ABCB11: variants seen among roughly 807,000 people sequenced by gnomAD.
ABCB11 encodes ATP binding cassette subfamily B member 11.
Under a neutral mutation model 148.0 loss-of-function variants are expected in ABCB11, and 95 were observed. That is an observed-to-expected ratio of 0.64 (90% CI 0.54 to 0.76). The LOEUF (loss-of-function observed/expected upper bound fraction) is 0.76, where lower values mean the gene tolerates loss of function less well. Among genes scored for constraint, ABCB11 ranks in the 30% least tolerant of loss-of-function variants. ABCB11 has a pLI of 0.00. For synonymous variants in ABCB11, 591 were observed against 555.4 expected, an observed-to-expected ratio of 1.06 and a Z score of -0.90; for missense variants, 1,523 against 1,617.8, an observed-to-expected ratio of 0.94 and a Z score of 1.01.
intron 5 of ABCB11, among the ~76,000 whole-genome samples, chr2:168,997,037 A>T (rs1694739765): frequency 6.6e-6 from 1 of 151,950 alleles, no homozygotes; most frequent in Admixed American, 6.6e-5. Context: ...GTTGGAAGCC[A>T]GGGTACCCTA....
At chr2:169,025,703 T>C (rs558321063) in intron 1 of ABCB11, among the ~76,000 whole-genome samples, 2 of 152,380 alleles carry the variant, frequency 1.3e-5, no homozygotes, top group South Asian at 2.1e-4. Flanking sequence ...TCTATTTTAC[T>C]GTTAAAAGTT....
rs758069019 is a variant in ABCB11 at position 168,924,730 on chromosome 2, C to T, written c.3692G>A (p.Arg1231Gln). 5.6e-6 allele frequency: 9 copies of T among 1,613,232 alleles called. No homozygotes were observed. Among genetic ancestry groups the T allele is most frequent in the African/African-American group, 2.7e-5 (2 of 74,732 alleles). ...RGEKQRIAIARAIVRDPKILL... is the reference protein window; with the variant it reads ...RGEKQRIAIAQAIVRDPKILL... The stretch of plus-strand genomic sequence containing the variant: ...GATTTTAGGATCTCGTACAATGGCC[C>T]GAGCAATAGCAATGCGTTGTTTCTC... Residue 1231 changes from arginine (R) to glutamine (Q), a missense_variant, in exon 27 of 28, where the codon CGG becomes CAG. Transcript: ENST00000650372.
chr2:168,957,821 G>T (rs952842703), intron 19 of ABCB11, 143 bp downstream of exon 19: 38 of 784,854 alleles, frequency 4.8e-5, no homozygotes, highest in Non-Finnish European at 6.1e-5. Flanking sequence ...TGTGATGGAG[G>T]CTTAGGAAAT....
intron 24 of ABCB11, 71 bp from the exon 25 acceptor site, chr2:168,930,933 T>C (rs914822423): frequency 7.3e-7 from 1 of 1,377,930 alleles, no homozygotes; most frequent in Non-Finnish European, 9.9e-7. Flanking sequence ...CACCTAAATC[T>C]TGAGTTTAAA....
rs185612099 is a variant in ABCB11 at position 169,020,338 on chromosome 2, T to C, written c.-27-2186A>G. Among the ~76,000 whole-genome samples, 19 of 152,136 alleles carry C rather than the reference T, an allele frequency of 1.2e-4. No individual in the cohort carries two copies. In the East Asian group the frequency reaches 2.9e-3, roughly 23 times the overall value. On this transcript the variant is annotated intron_variant, in intron 1 of 27. Transcript: ENST00000650372. ...TAATATCTGAACAAAGTTCAACCAATATCTGAAAATTTTAAGAAAAAGCAA... is the reference window on the plus strand; with the variant it reads ...TAATATCTGAACAAAGTTCAACCAACATCTGAAAATTTTAAGAAAAAGCAA...
At chr2:168,945,277 G>T (rs1692253423) in intron 19 of ABCB11, among the ~76,000 whole-genome samples, 5 of 151,776 alleles carry the variant, frequency 3.3e-5, no homozygotes, top group African/African-American at 9.7e-5. Flanking sequence ...ACCTAAAAGT[G>T]CTCTAAAAAA....
At position 168,979,939 on chromosome 2, in the gene ABCB11, T is replaced by C. The variant is rs572222881; in HGVS notation, c.1124A>G (p.Asn375Ser). ...AAAGGCTTCCAAACAAGGAGAGGCA[T>C]TGCCAAGATTTAAAGCTCCTACTAT... Reference protein sequence around the residue: ...SVIVGALNLGNASPCLEAFAT... With the variant: ...SVIVGALNLGSASPCLEAFAT... The change falls in exon 11 of 28, where the codon AAT becomes AGT. Residue 375 changes from asparagine to serine, a missense_variant. By Grantham distance (46) the Asn-to-Ser change is conservative. Coordinates refer to ENST00000650372, the MANE Select transcript of ABCB11 (RefSeq NM_003742.4). 503 of 1,607,094 alleles carry C rather than the reference T, an allele frequency of 3.1e-4. 7 individuals are homozygous for C. In the South Asian group the frequency reaches 5.1e-3, roughly 16 times the overall value.
chr2:169,019,560 A>G (rs978464971), intron 1 of ABCB11, among the ~76,000 whole-genome samples: 2 of 152,178 alleles, frequency 1.3e-5, no homozygotes, highest in African/African-American at 4.8e-5. Context: ...AATTGGCTCT[A>G]CATATCCACT....
intron 7 of ABCB11, among the ~76,000 whole-genome samples, chr2:168,994,952 A>C (rs1296299174): frequency 6.6e-6 from 1 of 151,906 alleles, no homozygotes; most frequent in Non-Finnish European, 1.5e-5. Flanking sequence ...CTTTCAGGGG[A>C]CCTCAAAATT....
intron 21 of ABCB11, among the ~76,000 whole-genome samples, chr2:168,940,662 C>T (rs901928056): frequency 3.3e-5 from 5 of 152,120 alleles, no homozygotes; most frequent in Non-Finnish European, 7.4e-5. Flanking sequence ...CACCAAATAA[C>T]ATATTTTCCG....
At chr2:169,016,912 T>C (rs1430397167) in intron 2 of ABCB11, 113 bp from the exon 3 acceptor site, 5 of 780,896 alleles carry the variant, frequency 6.4e-6, no homozygotes, top group East Asian at 5.4e-5. Context: ...CCTTTATTCA[T>C]GGAATATTAG....
intron 16 of ABCB11, 43 bp downstream of exon 16, chr2:168,969,307 A>T: frequency 6.5e-7 from 1 of 1,532,120 alleles, no homozygotes; most frequent in Non-Finnish European, 8.9e-7. Context: ...TATAGACATT[A>T]ACTATTTAAT....
intron 1 of ABCB11, among the ~76,000 whole-genome samples, chr2:169,023,276 G>C (rs903753120): frequency 6.6e-6 from 1 of 152,296 alleles, no homozygotes; most frequent in African/African-American, 2.4e-5. Flanking sequence ...GGCAGGCACT[G>C]TTCTAAATGC....
At chr2:168,927,983 A>G (rs17540154) in intron 25 of ABCB11, among the ~76,000 whole-genome samples, 29,848 of 152,152 alleles carry the variant, frequency 0.2, 3,085 homozygotes, top group Non-Finnish European at 0.22. Flanking sequence ...TTAGGCAGTT[A>G]AGTCCAGGTA....
intron 1 of ABCB11, among the ~76,000 whole-genome samples, chr2:169,018,683 C>T (rs1206813696): frequency 1.3e-5 from 2 of 152,042 alleles, no homozygotes; most frequent in East Asian, 3.9e-4. Flanking sequence ...ATGTAAATGT[C>T]GACAGAGTCA....
intron 1 of ABCB11, among the ~76,000 whole-genome samples, chr2:169,020,446 CA>C (rs1464108720): frequency 6.6e-6 from 1 of 150,624 alleles, no homozygotes; most frequent in Non-Finnish European, 1.5e-5. Flanking sequence ...ATCAATCCAA[CA>C]AAAGTTAAAA....
intron 1 of ABCB11, among the ~76,000 whole-genome samples, chr2:169,019,247 T>A (rs1424998852): frequency 6.6e-6 from 1 of 152,120 alleles, no homozygotes; most frequent in Admixed American, 6.6e-5. Flanking sequence ...TATGAAAATC[T>A]TCTAAATTCA....
intron 21 of ABCB11, among the ~76,000 whole-genome samples, chr2:168,937,913 C>T (rs1215083683): frequency 6.6e-6 from 1 of 152,166 alleles, no homozygotes; most frequent in Non-Finnish European, 1.5e-5. Flanking sequence ...CCAATGGTTC[C>T]AAATCGTCGT....
intron 9 of ABCB11, among the ~76,000 whole-genome samples, chr2:168,986,686 G>C (rs1481235987): frequency 6.6e-6 from 1 of 152,076 alleles, no homozygotes; most frequent in African/African-American, 2.4e-5. Context: ...CAGACTTTTT[G>C]TTTCCAGCTC....
Sources: gnomAD v4.1 joint callset for allele counts (sites outside exome capture counted in the v4.1 genomes callset) on GRCh38, gnomAD v4.1.1 for gene constraint, MANE v1.5 for transcripts, NCBI Gene and HGNC (gene_info 2026-07-23, HGNC 2026-07-21) for gene names.